RAB3C: variants seen among roughly 807,000 people sequenced by gnomAD.
RAB3C encodes ras-related protein Rab-3C.
RAB3C carries 17 observed loss-of-function variants against 26.4 expected under a neutral mutation model. The observed-to-expected ratio is 0.64, with a 90% CI of 0.44 to 0.97. RAB3C has a LOEUF of 0.97. Among genes scored for constraint, RAB3C ranks in the 50% least tolerant of loss-of-function variants. The pLI, the probability that RAB3C is intolerant of heterozygous loss-of-function variation, is 0.00. For missense variants in RAB3C, 242 were observed against 281.9 expected, an observed-to-expected ratio of 0.86 and a Z score of 1.01; for synonymous variants, 91 against 95.9, an observed-to-expected ratio of 0.95 and a Z score of 0.30.
intron 3 of RAB3C, among the ~76,000 whole-genome samples, chr5:58,732,723 G>A (rs1393599810): frequency 6.6e-6 from 1 of 152,160 alleles, no homozygotes; most frequent in African/African-American, 2.4e-5. Context: ...AGCTGGATAG[G>A]CAGTTTGATA....
At chr5:58,780,978 A>G (rs951396598) in intron 3 of RAB3C, among the ~76,000 whole-genome samples, 1 of 152,122 alleles carries the variant, frequency 6.6e-6, no homozygotes, top group Non-Finnish European at 1.5e-5. Context: ...TGTACCAGCT[A>G]TAATTTCATT....
At chr5:58,662,702 C>T (rs1747928788) in intron 2 of RAB3C, among the ~76,000 whole-genome samples, 1 of 150,104 alleles carries the variant, frequency 6.7e-6, no homozygotes. Context: ...GAATATACCA[C>T]AAGATACCAT....
intron 3 of RAB3C, among the ~76,000 whole-genome samples, chr5:58,740,648 C>T (rs985378074): frequency 1.2e-4 from 19 of 152,006 alleles, no homozygotes; most frequent in African/African-American, 3.9e-4. Context: ...GATGAAACCC[C>T]GTCTCTACTA....
At position 58,856,493 on chromosome 5, in the gene RAB3C, A is replaced by G. The variant is rs1744262670; in HGVS notation, c.*5142A>G. ...GGACCAAGAATAGAAAATGAGACTC[A>G]AATTTCACCATTTACTTCCCATCAG... On this transcript the variant is annotated 3_prime_UTR_variant, in exon 5 of 5. Transcript: ENST00000282878. 1 of 152,192 alleles carries G rather than the reference A, an allele frequency of 6.6e-6. No homozygotes were observed. The allele number at this position is 152,192 out of a possible 1,614,324, so 9.4% of individuals were successfully genotyped here.
chr5:58,769,090 A>C (rs1236009818), intron 3 of RAB3C, among the ~76,000 whole-genome samples: 1 of 152,002 alleles, frequency 6.6e-6, no homozygotes, highest in Non-Finnish European at 1.5e-5. Context: ...GGGGAGACCA[A>C]GAAGAACCGA....
At chr5:58,737,423 AT>A (rs1561305159) in intron 3 of RAB3C, among the ~76,000 whole-genome samples, 2,101 of 121,406 alleles carry the variant, frequency 0.017, 171 homozygotes, top group African/African-American at 0.063. Context: ...ATATATATAT[AT>A]ATATATATAT....
intron 2 of RAB3C, among the ~76,000 whole-genome samples, chr5:58,662,527 A>G (rs1293903954): frequency 6.7e-6 from 1 of 150,278 alleles, no homozygotes. Flanking sequence ...TCTTACAGCA[A>G]CCACATGGGG....
chr5:58,722,787 T>C (rs1214808057), intron 2 of RAB3C, among the ~76,000 whole-genome samples: 3 of 151,886 alleles, frequency 2.0e-5, no homozygotes, highest in African/African-American at 7.2e-5. Context: ...TTCTGCCTAA[T>C]TTGTATATTT....
At chr5:58,635,142 C>T (rs1747263261) in intron 2 of RAB3C, among the ~76,000 whole-genome samples, 1 of 152,146 alleles carries the variant, frequency 6.6e-6, no homozygotes, top group Non-Finnish European at 1.5e-5. Context: ...TCAGAGCTAT[C>T]ACGTGTCCAG....
chr5:58,672,724 A>AT (rs1485028600), intron 2 of RAB3C, among the ~76,000 whole-genome samples: 3 of 152,252 alleles, frequency 2.0e-5, no homozygotes, highest in African/African-American at 7.2e-5. Flanking sequence ...TTATTCAGCA[A>AT]TAAAAAGGAA....
chr5:58,744,752 G>A (rs888121696), intron 3 of RAB3C, among the ~76,000 whole-genome samples: 4 of 152,064 alleles, frequency 2.6e-5, no homozygotes, highest in Admixed American at 1.3e-4. Flanking sequence ...ACAAGGTTCT[G>A]TTATGTTTCT....
chr5:58,679,694 T>G (rs994438994), intron 2 of RAB3C, among the ~76,000 whole-genome samples: 7 of 152,222 alleles, frequency 4.6e-5, no homozygotes, highest in Non-Finnish European at 7.3e-5. Context: ...TTTGCTGTAT[T>G]TGAATGCTTT....
chr5:58,660,798 T>C (rs1429752685), intron 2 of RAB3C, among the ~76,000 whole-genome samples: 1 of 150,256 alleles, frequency 6.7e-6, no homozygotes, highest in Non-Finnish European at 1.5e-5. Flanking sequence ...TCCTTTATTT[T>C]AATCATAAGG....
intron 4 of RAB3C, among the ~76,000 whole-genome samples, chr5:58,836,587 A>G (rs564785379): frequency 7.9e-5 from 12 of 152,204 alleles, no homozygotes; most frequent in African/African-American, 2.9e-4. Context: ...TTTTACTACT[A>G]TAAGATCAAC....
At chr5:58,747,920 T>A (rs1741434033) in intron 3 of RAB3C, among the ~76,000 whole-genome samples, 1 of 152,114 alleles carries the variant, frequency 6.6e-6, no homozygotes, top group Admixed American at 6.6e-5. Flanking sequence ...ACACTTTGAT[T>A]CTTTTAGGCA....
At chr5:58,619,207 T>C (rs1181212045) in intron 2 of RAB3C, among the ~76,000 whole-genome samples, 1 of 152,198 alleles carries the variant, frequency 6.6e-6, no homozygotes, top group African/African-American at 2.4e-5. Flanking sequence ...ATAAATCACG[T>C]AAGAATTTGT....
chr5:58,736,012 C>A (rs1199627348), intron 3 of RAB3C, among the ~76,000 whole-genome samples: 1 of 152,160 alleles, frequency 6.6e-6, no homozygotes, highest in Non-Finnish European at 1.5e-5. Context: ...TCTCTGGGGT[C>A]CTGCATGTAC....
At chr5:58,753,757 AAGC>A (rs781722810) in intron 3 of RAB3C, among the ~76,000 whole-genome samples, 13 of 152,148 alleles carry the variant, frequency 8.5e-5, no homozygotes, top group Non-Finnish European at 1.9e-4. Flanking sequence ...AATGGCAGAC[AAGC>A]AGCAGTTCTA....
intron 3 of RAB3C, chr5:58,822,930 C>A: frequency 1.6e-6 from 1 of 640,976 alleles, no homozygotes; most frequent in Admixed American, 1.8e-5. Context: ...CAGCCTGGTG[C>A]CTTCACCTGC....
Sources: gnomAD v4.1 joint callset for allele counts (sites outside exome capture counted in the v4.1 genomes callset) on GRCh38, gnomAD v4.1.1 for gene constraint, MANE v1.5 for transcripts, NCBI Gene and HGNC (gene_info 2026-07-23, HGNC 2026-07-21) for gene names.